SNX6: variants seen among roughly 807,000 people sequenced by gnomAD.
The protein encoded by SNX6 is sorting nexin-6.
A neutral mutation model predicts 63.0 loss-of-function variants in SNX6; 34 were observed. The ratio of observed to expected loss-of-function variants is 0.54; its 90% confidence interval spans 0.41 to 0.72. SNX6 has a LOEUF of 0.72. Among genes scored for constraint, SNX6 ranks in the 30% least tolerant of loss-of-function variants. The pLI is 0.00. For missense variants in SNX6, 398 were observed against 471.4 expected, an observed-to-expected ratio of 0.84 and a Z score of 1.44; for synonymous variants, 170 against 164.2, an observed-to-expected ratio of 1.04 and a Z score of -0.27.
chr14:34,579,695 A>G (rs1469490964), intron 10 of SNX6, among the ~76,000 whole-genome samples: 1 of 152,024 alleles, frequency 6.6e-6, no homozygotes, highest in Non-Finnish European at 1.5e-5. Context: ...AAACAGACAT[A>G]AAAGAATATA....
intron 7 of SNX6, among the ~76,000 whole-genome samples, chr14:34,596,430 C>G (rs575194645): frequency 4.6e-5 from 7 of 151,358 alleles, no homozygotes; most frequent in Admixed American, 4.6e-4. Flanking sequence ...ACCAGCCTGG[C>G]CAACATGGTG....
chr14:34,619,534 A>G (rs1471677049), intron 2 of SNX6, among the ~76,000 whole-genome samples: 1 of 151,068 alleles, frequency 6.6e-6, no homozygotes, highest in Non-Finnish European at 1.5e-5. Flanking sequence ...TTTTTTCAGC[A>G]CTTATACGCA....
chr14:34,586,241 T>C lies in SNX6; in HGVS notation c.783A>G (p.Thr261=). ...SLYALGTQDS[T]DICKFFLKVS... ...ATTAGAACACTTACTTGCATATATC[T>C]GTAGAATCCTGAGTTCCTAAAGCAT... Residue 261 remains threonine (T), a synonymous_variant, in exon 9 of 14, where the codon ACA becomes ACG. Coordinates refer to ENST00000362031, the MANE Select transcript of SNX6 (RefSeq NM_152233.4). 6.3e-7 allele frequency: 1 copy of C among 1,598,246 alleles called. No homozygotes were observed.
chr14:34,629,643 G>A, intron 2 of SNX6: 2 of 689,736 alleles, frequency 2.9e-6, no homozygotes, highest in Non-Finnish European at 5.3e-6. Context: ...ACCCCGCCCC[G>A]CGTGGGAGTG....
chr14:34,590,273 A>G (rs1882341138), intron 8 of SNX6, among the ~76,000 whole-genome samples: 1 of 151,718 alleles, frequency 6.6e-6, no homozygotes, highest in Non-Finnish European at 1.5e-5. Flanking sequence ...CTAAAAATAC[A>G]AAAAATTAGC....
chr14:34,600,558 G>A (rs944419133), intron 6 of SNX6, among the ~76,000 whole-genome samples: 1 of 151,920 alleles, frequency 6.6e-6, no homozygotes, highest in African/African-American at 2.4e-5. Context: ...GATTAAAGGT[G>A]TGACTTACTA....
At chr14:34,579,659 C>A (rs1881858153) in intron 10 of SNX6, among the ~76,000 whole-genome samples, 1 of 151,802 alleles carries the variant, frequency 6.6e-6, no homozygotes, top group Admixed American at 6.6e-5. Flanking sequence ...ATGGTTTAAT[C>A]CTATGAATAT....
At position 34,608,098 on chromosome 14, in the gene SNX6, GAAC is replaced by G; in HGVS notation, c.199_201del (p.Val67del). ...AGCCAGATAAATTCCTCATGTTGCC[GAAC>G]AACTGAAAACTCGTTTTGTTTAAAA... On this transcript the variant is annotated inframe_deletion, in exon 4 of 14. Coordinates refer to ENST00000362031, the MANE Select transcript of SNX6 (RefSeq NM_152233.4). 2 of 1,609,500 alleles carry G rather than the reference GAAC, an allele frequency of 1.2e-6. No individual in the cohort carries two copies. The highest frequency in any genetic ancestry group is 1.7e-6 in the Non-Finnish European group (2 of 1,177,154).
intron 10 of SNX6, 71 bp downstream of exon 10, chr14:34,581,490 G>C: frequency 1.1e-6 from 1 of 929,680 alleles, no homozygotes; most frequent in Non-Finnish European, 1.6e-6. Context: ...CTGAATTGTG[G>C]TAAAAACCTT....
intron 8 of SNX6, among the ~76,000 whole-genome samples, chr14:34,588,559 C>G (rs1040586891): frequency 3.9e-5 from 6 of 152,076 alleles, no homozygotes; most frequent in African/African-American, 1.4e-4. Flanking sequence ...CCTAATAAAA[C>G]ATAAAACTTA....
chr14:34,586,914 C>A (rs1882182769), intron 8 of SNX6, among the ~76,000 whole-genome samples: 1 of 141,592 alleles, frequency 7.1e-6, no homozygotes, highest in African/African-American at 2.6e-5. Context: ...AAGGCTGAGG[C>A]AGGAGAATGG....
At chr14:34,593,251 G>C (rs1882470243) in intron 7 of SNX6, 101 bp from the exon 8 acceptor site, 1 of 683,816 alleles carries the variant, frequency 1.5e-6, no homozygotes, top group Admixed American at 3.2e-5. Flanking sequence ...CAGTAAAATA[G>C]CATACCTATC....
intron 2 of SNX6, among the ~76,000 whole-genome samples, chr14:34,619,211 C>G (rs1883533735): frequency 6.6e-6 from 1 of 152,136 alleles, no homozygotes; most frequent in African/African-American, 2.4e-5. Flanking sequence ...ATCACAAGGT[C>G]AGGAGTCTGA....
chr14:34,569,480 T>C (rs975706868), intron 11 of SNX6, among the ~76,000 whole-genome samples: 3 of 151,690 alleles, frequency 2.0e-5, no homozygotes, highest in Non-Finnish European at 4.4e-5. Context: ...TAGGCTGGAG[T>C]GCGGTGGTGT....
At chr14:34,606,703 C>T (rs190956997) in intron 4 of SNX6, among the ~76,000 whole-genome samples, 7 of 152,194 alleles carry the variant, frequency 4.6e-5, no homozygotes, top group Admixed American at 3.3e-4. Context: ...CCACCCGCCT[C>T]GGCCTCCCAG....
chr14:34,604,369 C>G, intron 5 of SNX6: 1 of 1,009,406 alleles, frequency 9.9e-7, no homozygotes, highest in Non-Finnish European at 1.2e-6. Context: ...GTCTTATAAA[C>G]TTTGAATATA....
chr14:34,629,342 T>C (rs926269211), intron 2 of SNX6: 10 of 354,146 alleles, frequency 2.8e-5, no homozygotes, highest in Non-Finnish European at 5.1e-5. Context: ...TGTTGGATAT[T>C]AGAAAAAGTA....
intron 7 of SNX6, among the ~76,000 whole-genome samples, chr14:34,593,460 C>T (rs1432490273): frequency 6.6e-6 from 1 of 151,146 alleles, no homozygotes; most frequent in African/African-American, 2.4e-5. Flanking sequence ...AGTGCAGTGG[C>T]GTGATCTTGG....
intron 11 of SNX6, chr14:34,568,642 T>C: frequency 1.3e-6 from 1 of 767,598 alleles, no homozygotes; most frequent in Non-Finnish European, 2.2e-6. Context: ...CTGTTTTTTT[T>C]TTTTTTTTAA....
Sources: gnomAD v4.1 joint callset for allele counts (sites outside exome capture counted in the v4.1 genomes callset) on GRCh38, gnomAD v4.1.1 for gene constraint, MANE v1.5 for transcripts, NCBI Gene and HGNC (gene_info 2026-07-23, HGNC 2026-07-21) for gene names.